TRIO: variants seen among roughly 807,000 people sequenced by gnomAD.
TRIO encodes trio Rho guanine nucleotide exchange factor, also known as triple functional domain protein.
In TRIO, 58 loss-of-function variants were observed where a neutral mutation model predicts 351.9. That is an observed-to-expected ratio of 0.16 (90% CI 0.13 to 0.21). The LOEUF (loss-of-function observed/expected upper bound fraction) is 0.21, where lower values mean the gene tolerates loss of function less well. Ranked by LOEUF, TRIO falls within the 10% of genes least tolerant of loss-of-function variation. The pLI is 1.00. For synonymous variants in TRIO, 1,758 were observed against 1,595.7 expected (o/e 1.10, Z -2.42); for missense variants, 3,201 against 4,027.8 (o/e 0.79, Z 5.56).
At position 14,270,831 on chromosome 5, in the gene TRIO, G is replaced by A. The variant is rs1383482299; in HGVS notation, c.164G>A (p.Arg55Gln). The change falls in exon 2 of 57, where the codon CGA becomes CAA. Residue 55 changes from arginine to glutamine, a missense_variant. Around this residue, in one of 19 missense-constraint regions of TRIO, gnomAD observed 109 missense variants for 134.6 expected, o/e 0.81. Transcript: ENST00000344204. ...TTCTCCTTCTGTATTTCAGGGTTTC[G>A]AAAAAACGATGAAATGAAAGCTATG... The part of the protein sequence containing the change: ...DIAAFFRSGF[R>Q]KNDEMKAMDV... The A allele has an allele frequency of 2.5e-5, 40 of 1,613,432 alleles. No homozygotes were observed. The highest frequency in any genetic ancestry group is 4.0e-5 in the African/African-American group (3 of 74,890).
chr5:14,273,260 G>A (rs1735192735), intron 2 of TRIO, among the ~76,000 whole-genome samples: 1 of 152,218 alleles, frequency 6.6e-6, no homozygotes, highest in African/African-American at 2.4e-5. Context: ...CAAAAGATGA[G>A]TGATTTTAAA....
At chr5:14,427,614 C>T (rs1197606108) in intron 34 of TRIO, among the ~76,000 whole-genome samples, 2 of 152,212 alleles carry the variant, frequency 1.3e-5, no homozygotes, top group African/African-American at 4.8e-5. Flanking sequence ...GGGATGCCCT[C>T]CTTGGAGGGG....
Position 14,159,589 on chromosome 5 carries a change from A to G in TRIO, c.157+15707A>G, listed in dbSNP as rs1396392204. On this transcript the variant is annotated intron_variant, in intron 1 of 56. Coordinates refer to ENST00000344204, the MANE Select transcript of TRIO (RefSeq NM_007118.4). ...TATTTTTTTTCTTTTTTTTTTTTTG[A>G]GATGGAGTCTTGCTCTGTTGCCAGG... Among the ~76,000 whole-genome samples, 15 of 140,536 alleles carry G rather than the reference A, an allele frequency of 1.1e-4. No homozygotes were observed. In the Admixed American group the frequency reaches 1.1e-3, roughly 10 times the overall value. The allele number at this position is 140,536 out of a possible 152,430, so 92.2% of individuals were successfully genotyped here. A position where few individuals can be genotyped will look rare whatever the true frequency, so the allele number is the denominator to read the frequency against.
intron 18 of TRIO, among the ~76,000 whole-genome samples, chr5:14,370,676 A>C (rs1156509428): frequency 6.6e-6 from 1 of 152,162 alleles, no homozygotes; most frequent in Non-Finnish European, 1.5e-5. Flanking sequence ...TTTCTTTTTA[A>C]GCAAGCTCCC....
At chr5:14,279,040 G>T (rs1735770885) in intron 2 of TRIO, among the ~76,000 whole-genome samples, 1 of 152,162 alleles carries the variant, frequency 6.6e-6, no homozygotes, top group Admixed American at 6.5e-5. Flanking sequence ...CAGAGTCATT[G>T]TAAAATCACA....
At chr5:14,162,068 G>A (rs1788491763) in intron 1 of TRIO, among the ~76,000 whole-genome samples, 1 of 152,196 alleles carries the variant, frequency 6.6e-6, no homozygotes, top group Non-Finnish European at 1.5e-5. Flanking sequence ...ACCGAGTTAT[G>A]CCAAGGCACA....
chr5:14,359,285 CG>C, intron 12 of TRIO, 71 bp from the exon 13 acceptor site: 1 of 1,536,948 alleles, frequency 6.5e-7, no homozygotes, highest in African/African-American at 1.4e-5. Flanking sequence ...TGAAGATTTG[CG>C]TGGCCGGATC....
chr5:14,243,056 T>C (rs533133715), intron 1 of TRIO, among the ~76,000 whole-genome samples: 27 of 152,180 alleles, frequency 1.8e-4, no homozygotes, highest in Non-Finnish European at 3.2e-4. Context: ...CAGCAGGGCT[T>C]GGTTGGAGAC....
intron 8 of TRIO, among the ~76,000 whole-genome samples, chr5:14,306,637 C>T (rs949491371): frequency 3.9e-5 from 6 of 152,150 alleles, no homozygotes; most frequent in Non-Finnish European, 7.3e-5. Context: ...CCTTGCCAAA[C>T]CAAGATGGGC....
intron 3 of TRIO, among the ~76,000 whole-genome samples, chr5:14,285,314 T>C (rs1249088581): frequency 6.6e-6 from 1 of 152,130 alleles, no homozygotes; most frequent in African/African-American, 2.4e-5. Flanking sequence ...TGTTTTCTCC[T>C]CCTGGCTTTA....
intron 34 of TRIO, among the ~76,000 whole-genome samples, chr5:14,444,355 C>T (rs1752285778): frequency 6.6e-6 from 1 of 152,232 alleles, no homozygotes; most frequent in South Asian, 2.1e-4. Context: ...ATTGTTTCGA[C>T]TGTGAAGACT....
rs372271970 is a variant in TRIO at position 14,507,301 on chromosome 5, A to G, written c.8751+41A>G. The G allele has an allele frequency of 1.9e-5, 31 of 1,606,106 alleles. No homozygotes were observed. In the African/African-American group the frequency reaches 3.3e-4, roughly 17 times the overall value. ...GGCAGGTGAAGGGGGGTCTGAGCAC[A>G]CCGGCTTGGCCATGCGGGACACAGA... is the stretch of plus-strand genomic sequence containing the variant. On this transcript the variant is annotated intron_variant, in intron 56 of 56. Coordinates refer to ENST00000344204, the MANE Select transcript of TRIO (RefSeq NM_007118.4).
At chr5:14,349,367 CAT>C (rs766149618) in intron 11 of TRIO, among the ~76,000 whole-genome samples, 16 of 152,206 alleles carry the variant, frequency 1.1e-4, no homozygotes, top group Non-Finnish European at 1.8e-4. Flanking sequence ...TGTGTGCACA[CAT>C]GTGAGCATGT....
At chr5:14,365,652 T>C (rs956540735) in intron 15 of TRIO, among the ~76,000 whole-genome samples, 3 of 152,204 alleles carry the variant, frequency 2.0e-5, no homozygotes, top group African/African-American at 7.2e-5. Context: ...ACGGAATAAA[T>C]AAATGTATCC....
At chr5:14,445,333 C>T (rs1293319016) in intron 34 of TRIO, among the ~76,000 whole-genome samples, 8 of 152,198 alleles carry the variant, frequency 5.3e-5, no homozygotes, top group African/African-American at 9.7e-5. Context: ...ACATACCCCC[C>T]GCCAAATATC....
In TRIO at chr5:14,287,284, C is replaced by A. The variant is rs985680660; in HGVS notation, c.540+221C>A. Among the ~76,000 whole-genome samples, 9 of 152,290 alleles carry A rather than the reference C, an allele frequency of 5.9e-5. No homozygotes were observed. The South Asian group carries it at 1.9e-3, about 32-fold the overall frequency. Reference sequence around the variant, plus strand: ...CCACATGGGCTTAGGTTTCAGTTCCCTTGGGTTGGGTGATGGGCTGTTGAG... The same window carrying A: ...CCACATGGGCTTAGGTTTCAGTTCCATTGGGTTGGGTGATGGGCTGTTGAG... On this transcript the variant is annotated intron_variant, in intron 4 of 56. Coordinates refer to ENST00000344204, the MANE Select transcript of TRIO (RefSeq NM_007118.4).
chr5:14,296,187 C>T (rs1000629001), intron 6 of TRIO, among the ~76,000 whole-genome samples: 11 of 151,862 alleles, frequency 7.2e-5, no homozygotes, highest in Non-Finnish European at 1.2e-4. Context: ...ATTGGGGCAA[C>T]GTTGAGAGGA....
intron 9 of TRIO, among the ~76,000 whole-genome samples, chr5:14,326,975 T>C (rs1166382009): frequency 6.6e-6 from 1 of 152,202 alleles, no homozygotes; most frequent in Non-Finnish European, 1.5e-5. Context: ...AATTTGTACA[T>C]ATTCCTTTGA....
chr5:14,361,531 G>C (rs1437139336), intron 13 of TRIO, among the ~76,000 whole-genome samples: 1 of 152,234 alleles, frequency 6.6e-6, no homozygotes, highest in Non-Finnish European at 1.5e-5. Context: ...GCTTTGGCCA[G>C]GTTTCCTCTG....
Sources: allele counts gnomAD v4.1 joint callset (sites outside exome capture counted in the v4.1 genomes callset), GRCh38; gene constraint gnomAD v4.1.1; regional missense constraint gnomAD v4.1.1; transcripts MANE v1.5; gene names NCBI Gene and HGNC (gene_info 2026-07-23, HGNC 2026-07-21).